ANKRD11: variants seen among roughly 807,000 people sequenced by gnomAD.
The protein encoded by ANKRD11 is ankyrin repeat domain-containing protein 11.
ANKRD11 carries 17 observed loss-of-function variants against 195.7 expected under a neutral mutation model. The observed-to-expected ratio is 0.09, with a 90% confidence interval of 0.06 to 0.13. The LOEUF (loss-of-function observed/expected upper bound fraction) is 0.13, where lower values mean the gene tolerates loss of function less well. Ranked by LOEUF, ANKRD11 falls within the 10% of genes least tolerant of loss-of-function variation. ANKRD11 has a pLI of 1.00. For missense variants in ANKRD11, 3,735 were observed against 3,566.1 expected (o/e 1.05, Z -1.21); for synonymous variants, 1,953 against 1,528.1 (o/e 1.28, Z -6.49).
At chr16:89,432,998 T>A (rs981501302) in intron 1 of ANKRD11, among the ~76,000 whole-genome samples, 3,872 of 139,584 alleles carry the variant, frequency 0.028, 137 homozygotes, top group African/African-American at 0.083. Context: ...CTCCTCTCTC[T>A]CACACACACA....
chr16:89,300,361 A>G (rs1395672262), intron 4 of ANKRD11: 2 of 200,668 alleles, frequency 1.0e-5, no homozygotes, highest in Non-Finnish European at 2.1e-5. Flanking sequence ...CAACACACTG[A>G]GCTGAGGCCA....
intron 1 of ANKRD11, among the ~76,000 whole-genome samples, chr16:89,479,891 C>CGA (rs1271683376): frequency 7.0e-6 from 1 of 142,264 alleles, no homozygotes; most frequent in Non-Finnish European, 1.5e-5. Flanking sequence ...TGCAGTGAGC[C>CGA]GAGATTGTGC....
chr16:89,470,511 G>A (rs2057039893), intron 1 of ANKRD11, among the ~76,000 whole-genome samples: 1 of 110,770 alleles, frequency 9.0e-6, no homozygotes, highest in Non-Finnish European at 2.0e-5. Context: ...ACCATAGACT[G>A]AGAAAGGAGG....
In ANKRD11 at chr16:89,462,854, G is replaced by C. The variant is rs866784355; in HGVS notation, c.-145+27391C>G. Among the ~76,000 whole-genome samples the C allele has an allele frequency of 5.2e-4, 79 of 152,080 alleles. No homozygotes were observed. The Middle Eastern group carries it at 0.014, about 26-fold the overall frequency. On this transcript the variant is annotated intron_variant, in intron 1 of 12. Coordinates refer to ENST00000301030, the MANE Select transcript of ANKRD11 (RefSeq NM_013275.6). ...CCGGCAGCCACCCCGTCTGGGAAGT[G>C]AGGAGCGTCTCCGCCCAGCAGCCGC...
intron 4 of ANKRD11, among the ~76,000 whole-genome samples, chr16:89,303,110 T>C (rs986113504): frequency 3.9e-5 from 6 of 152,108 alleles, no homozygotes; most frequent in Non-Finnish European, 7.4e-5. Flanking sequence ...CAGGTAGCCC[T>C]GGGAACGCCA....
intron 1 of ANKRD11, among the ~76,000 whole-genome samples, chr16:89,483,362 TA>T (rs374373258): frequency 1.2e-3 from 187 of 152,316 alleles, no homozygotes; most frequent in African/African-American, 4.3e-3. Flanking sequence ...GAATCAGATC[TA>T]AAGACTTTGC....
intron 2 of ANKRD11, among the ~76,000 whole-genome samples, chr16:89,384,629 G>A (rs935201068): frequency 1.3e-5 from 2 of 152,176 alleles, no homozygotes; most frequent in Admixed American, 6.5e-5. Flanking sequence ...AGGAGCCTCT[G>A]CACTGGCAGT....
Position 89,350,374 on chromosome 16 carries a change from A to G in ANKRD11, c.-59-33296T>C, listed in dbSNP as rs577559463. Among the ~76,000 whole-genome samples the G allele has an allele frequency of 3.9e-5, 6 of 152,302 alleles. No homozygotes were observed. In the South Asian group the frequency reaches 8.3e-4, roughly 21 times the overall value. On this transcript the variant is annotated intron_variant, in intron 2 of 12. Transcript: ENST00000301030. ...TCTGATGCTTTGCATGCAACTACTC[A>G]TATCAGCTTGACTCCCAACAGCTAA...
chr16:89,331,233 C>T (rs1453766387), intron 2 of ANKRD11, among the ~76,000 whole-genome samples: 2 of 152,198 alleles, frequency 1.3e-5, no homozygotes, highest in African/African-American at 4.8e-5. Flanking sequence ...GGATTACAGG[C>T]ATGAGCCACT....
chr16:89,386,347 A>C (rs372256834), intron 2 of ANKRD11, among the ~76,000 whole-genome samples: 5 of 152,184 alleles, frequency 3.3e-5, no homozygotes, highest in East Asian at 1.9e-4. Context: ...AGCACGACCA[A>C]TTCCCAACGT....
intron 2 of ANKRD11, chr16:89,323,237 G>T (rs3114900): frequency 1.8e-4 from 209 of 1,193,404 alleles, no homozygotes; most frequent in South Asian, 8.8e-5. Flanking sequence ...AAAGAAAAAA[G>T]GAGAAAAGGA....
At chr16:89,441,571 T>C (rs953551469) in intron 1 of ANKRD11, among the ~76,000 whole-genome samples, 3 of 151,736 alleles carry the variant, frequency 2.0e-5, no homozygotes, top group Non-Finnish European at 2.9e-5. Context: ...ATGGAGACCA[T>C]CCTGGCTAAC....
chr16:89,345,871 T>C (rs1203510837), intron 2 of ANKRD11, among the ~76,000 whole-genome samples: 5 of 152,070 alleles, frequency 3.3e-5, no homozygotes, highest in Admixed American at 6.5e-5. Flanking sequence ...CACTATAATA[T>C]GGCAAAAAGT....
At chr16:89,467,967 A>G (rs2056941782) in intron 1 of ANKRD11, among the ~76,000 whole-genome samples, 1 of 151,580 alleles carries the variant, frequency 6.6e-6, no homozygotes, top group Non-Finnish European at 1.5e-5. Context: ...TACCCAGGTA[A>G]GTTTTTTTGT....
intron 2 of ANKRD11, among the ~76,000 whole-genome samples, chr16:89,355,507 C>T (rs939202333): frequency 6.6e-6 from 1 of 152,130 alleles, no homozygotes; most frequent in Non-Finnish European, 1.5e-5. Context: ...CAGGGGTGAA[C>T]GTGGCCCCAT....
chr16:89,388,685 G>T (rs1228704302), intron 2 of ANKRD11, among the ~76,000 whole-genome samples: 1 of 152,194 alleles, frequency 6.6e-6, no homozygotes, highest in African/African-American at 2.4e-5. Context: ...CCCCTTGGAG[G>T]TTTAGCGGAC....
chr16:89,483,523 A>T (rs1211907305), intron 1 of ANKRD11, among the ~76,000 whole-genome samples: 4 of 152,234 alleles, frequency 2.6e-5, no homozygotes, highest in Non-Finnish European at 5.9e-5. Context: ...TGTCAGGGGA[A>T]AAATGCCTGT....
In ANKRD11 at chr16:89,490,537, C is replaced by A. The variant is rs1270208379; in HGVS notation, c.-437G>T. 7 of 458,986 alleles carry A rather than the reference C, an allele frequency of 1.5e-5. No individual in the cohort carries two copies. The highest frequency in any genetic ancestry group is 3.7e-5 in the South Asian group (1 of 26,956). The allele number at this position is 458,986 out of a possible 1,614,324, so 28.4% of individuals were successfully genotyped here. On this transcript the variant is annotated 5_prime_UTR_variant, in exon 1 of 13. Coordinates refer to ENST00000301030, the MANE Select transcript of ANKRD11 (RefSeq NM_013275.6). Reference sequence around the variant, plus strand: ...TCCCCGGCTGGGGCCCTCGGTCCATCGCGCACCGTCTCAGGGCGGCCTCTG... The same window carrying A: ...TCCCCGGCTGGGGCCCTCGGTCCATAGCGCACCGTCTCAGGGCGGCCTCTG...
intron 2 of ANKRD11, among the ~76,000 whole-genome samples, chr16:89,366,268 T>C (rs990465713): frequency 2.6e-5 from 4 of 152,124 alleles, no homozygotes; most frequent in Non-Finnish European, 5.9e-5. Flanking sequence ...TCTTCTTCTG[T>C]GAATGGTGCT....
Sources: gnomAD v4.1 joint callset for allele counts (sites outside exome capture counted in the v4.1 genomes callset) on GRCh38, gnomAD v4.1.1 for gene constraint, MANE v1.5 for transcripts, NCBI Gene and HGNC (gene_info 2026-07-23, HGNC 2026-07-21) for gene names.